Variants in TRAPPC9 observed in about 807,000 individuals in gnomAD.
TRAPPC9 encodes the protein trafficking protein particle complex subunit 9.
TRAPPC9 carries 83 observed loss-of-function variants against 124.0 expected under a neutral mutation model. The observed-to-expected ratio is 0.67, with a 90% CI of 0.56 to 0.80. The LOEUF (loss-of-function observed/expected upper bound fraction) is 0.80. Among genes scored for constraint, TRAPPC9 ranks in the 30% least tolerant of loss-of-function variants. The pLI, the probability that TRAPPC9 is intolerant of heterozygous loss-of-function variation, is 0.00. For synonymous variants in TRAPPC9, 638 were observed against 617.5 expected (o/e 1.03, Z -0.49); for missense variants, 1,302 against 1,508.3 (o/e 0.86, Z 2.27).
chr8:140,077,322 G>A (rs1308498650), intron 17 of TRAPPC9, among the ~76,000 whole-genome samples: 2 of 152,188 alleles, frequency 1.3e-5, no homozygotes, highest in Non-Finnish European at 2.9e-5. Context: ...TAATGGTTGA[G>A]TAAATGAATA....
chr8:140,422,888 G>A (rs1228968359), intron 5 of TRAPPC9, among the ~76,000 whole-genome samples: 1 of 152,022 alleles, frequency 6.6e-6, no homozygotes, highest in Middle Eastern at 3.2e-3. Flanking sequence ...ATGAAGAGAT[G>A]CACATCATTA....
rs2131259921 is a variant in TRAPPC9, at chr8:139,907,366, T to C, written c.2964+2781A>G. Among the ~76,000 whole-genome samples the C allele has an allele frequency of 6.6e-6, 1 of 152,244 alleles. No individual in the cohort carries two copies. The highest frequency in any genetic ancestry group is 1.9e-4 in the East Asian group (1 of 5,170). On this transcript the variant is annotated intron_variant, in intron 20 of 22. Transcript: ENST00000438773. The surrounding 1 kb of genome is among the most constrained non-coding windows in gnomAD (Gnocchi z 4.7). ...CTCAAATGTTTGTAAAAAGTCTAAA[T>C]GTTTAGAAAATATTATTAAAATGCA...
At chr8:140,188,480 G>T (rs2062400574) in intron 17 of TRAPPC9, among the ~76,000 whole-genome samples, 2 of 152,136 alleles carry the variant, frequency 1.3e-5, no homozygotes, top group South Asian at 4.1e-4. Flanking sequence ...TCTCTATTCT[G>T]CTACAAGCTT....
intron 17 of TRAPPC9, among the ~76,000 whole-genome samples, chr8:140,024,402 T>C (rs903996119): frequency 2.5e-5 from 1 of 40,392 alleles, no homozygotes; most frequent in East Asian, 9.8e-4. Context: ...ATATGGTTTC[T>C]TTTTTTTTTT....
chr8:139,920,124 T>C (rs1366940682), intron 19 of TRAPPC9, among the ~76,000 whole-genome samples: 2 of 152,184 alleles, frequency 1.3e-5, no homozygotes, highest in Non-Finnish European at 2.9e-5. Flanking sequence ...GCCGGGCGGA[T>C]CACTTGAGGT....
chr8:140,191,667 G>A (rs2062494911), intron 17 of TRAPPC9, among the ~76,000 whole-genome samples: 1 of 152,184 alleles, frequency 6.6e-6, no homozygotes, highest in Non-Finnish European at 1.5e-5. Context: ...AGCCTGTGCA[G>A]AACCATGAGG....
At chr8:140,451,415 C>T (rs897453009) in intron 1 of TRAPPC9, 32 bp from the exon 2 acceptor site, 2 of 1,570,618 alleles carry the variant, frequency 1.3e-6, no homozygotes, top group African/African-American at 1.3e-5. Context: ...GGCTGTGAGA[C>T]ACAGAGTCCT....
chr8:139,994,222 T>C (rs1163573190), intron 18 of TRAPPC9, among the ~76,000 whole-genome samples: 1 of 152,222 alleles, frequency 6.6e-6, no homozygotes, highest in African/African-American at 2.4e-5. Context: ...GAGAAGGTGA[T>C]GCCAGAGGGC....
chr8:140,280,971 C>T (rs1429223408), intron 14 of TRAPPC9, among the ~76,000 whole-genome samples: 1 of 152,234 alleles, frequency 6.6e-6, no homozygotes, highest in Non-Finnish European at 1.5e-5. Context: ...GCACGTGTCC[C>T]TTCGTCCCTT....
intron 21 of TRAPPC9, among the ~76,000 whole-genome samples, chr8:139,870,524 C>G (rs1828835809): frequency 6.6e-6 from 1 of 152,146 alleles, no homozygotes; most frequent in Non-Finnish European, 1.5e-5. Context: ...CAACCTACGT[C>G]CATCAAAAGG....
At position 139,825,956 on chromosome 8, in the gene TRAPPC9, A is replaced by G. The variant is rs897793727; in HGVS notation, c.3055+59923T>C. Among the ~76,000 whole-genome samples the G allele has an allele frequency of 8.5e-5, 13 of 152,176 alleles. No homozygotes were observed. Among genetic ancestry groups the G allele is most frequent in the African/African-American group, 2.4e-4 (10 of 41,450 alleles). ...ATATAACCCGCCCGTGGAACAGGCC[A>G]TGATGAGGATGTGCAACAGCAGGGG... On this transcript the variant is annotated intron_variant, in intron 21 of 22. Coordinates refer to ENST00000438773, the MANE Select transcript of TRAPPC9 (RefSeq NM_001160372.4). The surrounding 1 kb of genome is among the most constrained non-coding windows in gnomAD (Gnocchi z 4.6).
chr8:140,367,027 A>G (rs2068133664), intron 8 of TRAPPC9, among the ~76,000 whole-genome samples: 1 of 152,224 alleles, frequency 6.6e-6, no homozygotes, highest in African/African-American at 2.4e-5. Flanking sequence ...ACGAGATACC[A>G]CTACACACCT....
At chr8:139,734,597 A>T (rs1321142912) in intron 21 of TRAPPC9, among the ~76,000 whole-genome samples, 1 of 152,252 alleles carries the variant, frequency 6.6e-6, no homozygotes, top group Admixed American at 6.5e-5. Flanking sequence ...CCCCATCCTC[A>T]GGGCTGGAGC....
At chr8:139,883,178 C>T (rs1306730616) in intron 21 of TRAPPC9, among the ~76,000 whole-genome samples, 1 of 152,196 alleles carries the variant, frequency 6.6e-6, no homozygotes, top group African/African-American at 2.4e-5. Flanking sequence ...GACACCTGAG[C>T]TAGCACATGA....
intron 12 of TRAPPC9, among the ~76,000 whole-genome samples, chr8:140,288,916 T>C (rs972693585): frequency 3.9e-5 from 6 of 152,184 alleles, no homozygotes; most frequent in Non-Finnish European, 1.5e-5. Flanking sequence ...TGCAGCAGTA[T>C]GGTCAAAGCT....
rs537520289 is a variant in TRAPPC9 at position 139,731,713 on chromosome 8, C to A, written c.3279+266G>T. ...GTCCAATCATGGAGCAGCCCCCTGTCCTGGGCACAGCTCCCATTCCCTGCA... is the reference window on the plus strand; with the variant it reads ...GTCCAATCATGGAGCAGCCCCCTGTACTGGGCACAGCTCCCATTCCCTGCA... On this transcript the variant is annotated intron_variant, in intron 22 of 22. Transcript: ENST00000438773. Among the ~76,000 whole-genome samples, 5 of 152,200 alleles carry A rather than the reference C, an allele frequency of 3.3e-5. 1 individual carries two copies. In the South Asian group the frequency reaches 8.3e-4, roughly 25 times the overall value.
intron 19 of TRAPPC9, among the ~76,000 whole-genome samples, chr8:139,934,929 G>T (rs147476651): frequency 1.3e-4 from 20 of 152,264 alleles, no homozygotes; most frequent in African/African-American, 4.3e-4. Context: ...AGCTTTCCGA[G>T]GTCTTGCCAG....
intron 5 of TRAPPC9, among the ~76,000 whole-genome samples, chr8:140,409,908 A>T (rs564649246): frequency 6.6e-6 from 1 of 152,118 alleles, no homozygotes; most frequent in Non-Finnish European, 1.5e-5. Flanking sequence ...AGGCCAAGGA[A>T]GGCTCCTGGG....
rs553924944 is a variant in TRAPPC9 at position 140,307,681 on chromosome 8, T to C, written c.1622+3567A>G. Among the ~76,000 whole-genome samples the C allele has an allele frequency of 2.6e-5, 4 of 152,314 alleles. No homozygotes were observed. The South Asian group carries it at 8.3e-4, about 32-fold the overall frequency. ...TTATTTTCTCAGCCTGTCTTGCAAT[T>C]AGAGATGGCCATGAGACACACTTCC... On this transcript the variant is annotated intron_variant, in intron 10 of 22. Coordinates refer to ENST00000438773, the MANE Select transcript of TRAPPC9 (RefSeq NM_001160372.4).
Sources: allele counts gnomAD v4.1 joint callset (sites outside exome capture counted in the v4.1 genomes callset), GRCh38; gene constraint gnomAD v4.1.1; non-coding constraint Gnocchi (gnomAD v3.1); transcripts MANE v1.5; gene names NCBI Gene and HGNC (gene_info 2026-07-23, HGNC 2026-07-21).